The following SFT2D2 variants were observed in gnomAD, a reference collection of about 807,000 sequenced individuals.
SFT2D2 encodes SFT2 domain containing 2.
SFT2D2 carries 21 observed loss-of-function variants against 27.4 expected under a neutral mutation model. The ratio of observed to expected loss-of-function variants is 0.77; its 90% CI spans 0.54 to 1.10. The LOEUF (loss-of-function observed/expected upper bound fraction) is 1.10, where lower values mean the gene tolerates loss of function less well. SFT2D2 is among the 50% of genes least tolerant of loss of function. The pLI is 0.00. For missense variants in SFT2D2, 187 were observed against 194.2 expected (o/e 0.96, Z 0.22); for synonymous variants, 72 against 71.7 (o/e 1.00, Z -0.02).
In SFT2D2 at chr1:168,250,762, C is replaced by T. The variant is rs968512120; in HGVS notation, c.*8222C>T. On this transcript the variant is annotated 3_prime_UTR_variant, in exon 8 of 8. Coordinates refer to ENST00000271375, the MANE Select transcript of SFT2D2 (RefSeq NM_199344.3). Reference sequence around the variant, plus strand: ...TCCCCTTTTGCAGAAAGGGCTCAAACGGAGCCTTCAGTTCTGCTCCTCTGC... The same window carrying T: ...TCCCCTTTTGCAGAAAGGGCTCAAATGGAGCCTTCAGTTCTGCTCCTCTGC... The T allele has an allele frequency of 3.9e-5, 6 of 152,206 alleles. No homozygotes were observed. The highest frequency in any genetic ancestry group is 9.7e-5 in the African/African-American group (4 of 41,436). The allele number at this position is 152,206 out of a possible 1,614,324, so 9.4% of individuals were successfully genotyped here. A position where few individuals can be genotyped will look rare whatever the true frequency, so the allele number is the denominator to read the frequency against.
chr1:168,239,209 G>T, intron 7 of SFT2D2, 49 bp downstream of exon 7: 1 of 1,436,936 alleles, frequency 7.0e-7, no homozygotes, highest in Non-Finnish European at 9.8e-7. Flanking sequence ...TTAATTCAGA[G>T]TCTGCTTTCA....
intron 1 of SFT2D2, among the ~76,000 whole-genome samples, chr1:168,226,497 T>C (rs1361215145): frequency 6.6e-6 from 1 of 151,872 alleles, no homozygotes. Context: ...GGCCCCGAGG[T>C]CCAGGCGGAA....
intron 7 of SFT2D2, among the ~76,000 whole-genome samples, chr1:168,240,459 T>G (rs1012184543): frequency 5.9e-5 from 9 of 152,132 alleles, no homozygotes; most frequent in Non-Finnish European, 1.2e-4. Context: ...GGCAGGGATG[T>G]CCTGGGAAGC....
rs1054393740 is a variant in SFT2D2, at chr1:168,238,558, G to A, written c.414-573G>A. ...TAGCCGGGCATGGTGGCACATACTT[G>A]TAGTCCCAGCAATTCTGGAGGCTGA... On this transcript the variant is annotated intron_variant, in intron 6 of 7. Transcript: ENST00000271375. 2.6e-5 allele frequency among the ~76,000 whole-genome samples: 4 copies of A among 152,144 alleles called. No homozygotes were observed. In the East Asian group the frequency reaches 7.7e-4, roughly 29 times the overall value.
At chr1:168,237,814 T>C (rs192646178) in intron 6 of SFT2D2, among the ~76,000 whole-genome samples, 17 of 152,052 alleles carry the variant, frequency 1.1e-4, no homozygotes, top group Non-Finnish European at 2.2e-4. Flanking sequence ...GTATAAGATA[T>C]GGAGAAGGAT....
At chr1:168,231,390 G>A in intron 1 of SFT2D2, 124 bp from the exon 2 acceptor site, 1 of 734,996 alleles carries the variant, frequency 1.4e-6, no homozygotes, top group Non-Finnish European at 2.3e-6. Flanking sequence ...CATCGCCTGA[G>A]TGTGTAGGAT....
In SFT2D2 at chr1:168,231,531, A is replaced by G. The variant is rs1219856251; in HGVS notation, c.81A>G (p.Ser27=). 2 of 1,613,572 alleles carry G rather than the reference A, an allele frequency of 1.2e-6. No homozygotes were observed. Among genetic ancestry groups the G allele is most frequent in the South Asian group, 1.1e-5 (1 of 91,052 alleles). ...SGLSEVVEAS[S]LSWSTRIKGF... Reference sequence around the variant, plus strand: ...AATTTTAGGTTGTTGAGGCATCTTCATTAAGCTGGAGTACCAGGATAAAAG... The same window carrying G: ...AATTTTAGGTTGTTGAGGCATCTTCGTTAAGCTGGAGTACCAGGATAAAAG... The change falls in exon 2 of 8, where the codon TCA becomes TCG. Residue 27 remains serine, a synonymous_variant. Transcript: ENST00000271375.
chr1:168,243,700 A>G lies in SFT2D2; in HGVS notation c.*1160A>G, dbSNP rs1325175509. On this transcript the variant is annotated 3_prime_UTR_variant, in exon 8 of 8. Coordinates refer to ENST00000271375, the MANE Select transcript of SFT2D2 (RefSeq NM_199344.3). Reference sequence around the variant, plus strand: ...TGCAGTCAAGGGAATCAAGGCCCACACTGGTTTTTGGATCCACCCAAAGCC... The same window carrying G: ...TGCAGTCAAGGGAATCAAGGCCCACGCTGGTTTTTGGATCCACCCAAAGCC... 1.3e-5 allele frequency: 2 copies of G among 152,492 alleles called. No homozygotes were observed. Among genetic ancestry groups the G allele is most frequent in the African/African-American group, 4.8e-5 (2 of 41,428 alleles). 9.4% of individuals were successfully genotyped at this position (152,492 alleles called of 1,614,324 possible).
In SFT2D2 at chr1:168,226,884, A is replaced by T. The variant is rs891240570; in HGVS notation, c.63+742A>T. On this transcript the variant is annotated intron_variant, in intron 1 of 7. Coordinates refer to ENST00000271375, the MANE Select transcript of SFT2D2 (RefSeq NM_199344.3). ...GCCCAGGCTGGAGTGCAGTGGCGCG[A>T]TCTTGGCTCACTGCAGCCTCTGCCT... Among the ~76,000 whole-genome samples, 38 of 152,040 alleles carry T rather than the reference A, an allele frequency of 2.5e-4. No individual in the cohort carries two copies. The East Asian group carries it at 5.2e-3, about 21-fold the overall frequency.
At chr1:168,239,185 T>G (rs373943661) in intron 7 of SFT2D2, 25 bp downstream of exon 7, 2 of 1,559,236 alleles carry the variant, frequency 1.3e-6, no homozygotes, top group African/African-American at 2.7e-5. Context: ...TTGGAAATAA[T>G]GATTTCTGTC....
At chr1:168,228,582 A>G (rs1040756500) in intron 1 of SFT2D2, among the ~76,000 whole-genome samples, 13 of 152,196 alleles carry the variant, frequency 8.5e-5, no homozygotes, top group Non-Finnish European at 5.9e-5. Flanking sequence ...TATAGGTTTT[A>G]TGTTTTTTAT....
chr1:168,227,667 A>G (rs1700475483), intron 1 of SFT2D2, among the ~76,000 whole-genome samples: 2 of 152,132 alleles, frequency 1.3e-5, no homozygotes, highest in Non-Finnish European at 2.9e-5. Context: ...ATGAATCTCA[A>G]GTGGAACCTC....
chr1:168,227,866 T>C (rs182640705), intron 1 of SFT2D2, among the ~76,000 whole-genome samples: 1 of 152,254 alleles, frequency 6.6e-6, no homozygotes, highest in East Asian at 1.9e-4. Context: ...GTCTCGAAAA[T>C]CATCACGAAG....
In SFT2D2 at chr1:168,226,046, C is replaced by T. The variant is rs1428752486; in HGVS notation, c.-34C>T. ...ACTTAGCGAGCGCAACAGGCTGCCGCTGAGGAGCTGGAGCTGGTGGGGACT... is the reference window on the plus strand; with the variant it reads ...ACTTAGCGAGCGCAACAGGCTGCCGTTGAGGAGCTGGAGCTGGTGGGGACT... On this transcript the variant is annotated 5_prime_UTR_variant, in exon 1 of 8. Transcript: ENST00000271375. 6.7e-7 allele frequency: 1 copy of T among 1,495,240 alleles called. No individual in the cohort carries two copies. Among genetic ancestry groups the T allele is most frequent in the Non-Finnish European group, 8.9e-7 (1 of 1,118,460 alleles). 92.6% of individuals were successfully genotyped at this position (1,495,240 alleles called of 1,614,324 possible).
chr1:168,240,291 A>G (rs1382599745), intron 7 of SFT2D2, among the ~76,000 whole-genome samples: 1 of 152,120 alleles, frequency 6.6e-6, no homozygotes, highest in Non-Finnish European at 1.5e-5. Flanking sequence ...GTGATTTGAA[A>G]GTATTGAGGA....
chr1:168,236,040 T>A (rs1285838105), intron 4 of SFT2D2, among the ~76,000 whole-genome samples: 1 of 152,216 alleles, frequency 6.6e-6, no homozygotes, highest in Non-Finnish European at 1.5e-5. Flanking sequence ...CATGGCTGAC[T>A]GCTCTAGCAC....
At position 168,237,541 on chromosome 1, in the gene SFT2D2, A is replaced by G. The variant is rs150157137; in HGVS notation, c.413+771A>G. Among the ~76,000 whole-genome samples, 956 of 152,304 alleles carry G rather than the reference A, an allele frequency of 6.3e-3. 7 individuals are homozygous for G. Among genetic ancestry groups the G allele is most frequent in the African/African-American group, 0.021 (856 of 41,568 alleles). On this transcript the variant is annotated intron_variant, in intron 6 of 7. Coordinates refer to ENST00000271375, the MANE Select transcript of SFT2D2 (RefSeq NM_199344.3). ...CTTTCAAAGTTTATCAAGGGATGGT[A>G]TCTGCCAGAACAGTTTCAGTATAGA... is the stretch of plus-strand genomic sequence containing the variant.
At chr1:168,237,659 C>A (rs113408428) in intron 6 of SFT2D2, among the ~76,000 whole-genome samples, 277 of 152,282 alleles carry the variant, frequency 1.8e-3, no homozygotes, top group African/African-American at 6.3e-3. Context: ...TGGTTAACTC[C>A]TATTTGGTAG....
intron 1 of SFT2D2, among the ~76,000 whole-genome samples, chr1:168,227,890 C>T (rs562022844): frequency 2.0e-5 from 3 of 152,186 alleles, no homozygotes; most frequent in Non-Finnish European, 4.4e-5. Context: ...TGGGCTGACC[C>T]TCAACAGTGG....
Sources: allele counts gnomAD v4.1 joint callset (sites outside exome capture counted in the v4.1 genomes callset), GRCh38; gene constraint gnomAD v4.1.1; transcripts MANE v1.5; gene names NCBI Gene and HGNC (gene_info 2026-07-23, HGNC 2026-07-21).